The following CCDC85A variants were observed in gnomAD, a reference collection of about 807,000 sequenced individuals.
The protein encoded by CCDC85A is coiled-coil domain-containing protein 85A.
Under a neutral mutation model 50.2 loss-of-function variants are expected in CCDC85A, and 38 were observed. The ratio of observed to expected loss-of-function variants is 0.76; its 90% CI spans 0.58 to 0.99. CCDC85A has a LOEUF of 0.99. Among genes scored for constraint, CCDC85A ranks in the 50% least tolerant of loss-of-function variants. The probability of loss-of-function intolerance (pLI) is 0.00; values close to 1 mark genes in which losing one functional copy is unlikely to be tolerated. For missense variants in CCDC85A, 820 were observed against 742.0 expected (o/e 1.11, Z -1.22); for synonymous variants, 366 against 301.4 (o/e 1.21, Z -2.22).
At chr2:56,379,327 A>G (rs1268123986) in intron 5 of CCDC85A, among the ~76,000 whole-genome samples, 10 of 152,094 alleles carry the variant, frequency 6.6e-5, no homozygotes, top group African/African-American at 2.4e-4. Context: ...CATCTTTTTT[A>G]GTCATCTTTT....
intron 2 of CCDC85A, among the ~76,000 whole-genome samples, chr2:56,337,568 G>T (rs1030572653): frequency 2.0e-5 from 3 of 151,976 alleles, no homozygotes; most frequent in African/African-American, 7.2e-5. Flanking sequence ...TCTGGCCCAG[G>T]TCCATCTGTG....
At chr2:56,277,413 G>T (rs1021993190) in intron 2 of CCDC85A, among the ~76,000 whole-genome samples, 1 of 143,030 alleles carries the variant, frequency 7.0e-6, no homozygotes, top group Non-Finnish European at 1.5e-5. Context: ...TTTCCACAGA[G>T]ATCCTGCATG....
At chr2:56,294,720 T>A (rs1671872259) in intron 2 of CCDC85A, among the ~76,000 whole-genome samples, 1 of 152,200 alleles carries the variant, frequency 6.6e-6, no homozygotes, top group African/African-American at 2.4e-5. Flanking sequence ...GAGATTTATG[T>A]ATGAAAAAGT....
intron 2 of CCDC85A, among the ~76,000 whole-genome samples, chr2:56,339,609 C>A (rs1674255849): frequency 6.6e-6 from 1 of 152,068 alleles, no homozygotes. Flanking sequence ...AGTATCACAG[C>A]CTTATAGATA....
chr2:56,184,556 G>C lies in CCDC85A; in HGVS notation c.-69G>C, dbSNP rs1572989468. On this transcript the variant is annotated 5_prime_UTR_variant, in exon 1 of 6. Coordinates refer to ENST00000407595, the MANE Select transcript of CCDC85A (RefSeq NM_001080433.2). The stretch of plus-strand genomic sequence containing the variant: ...CAGGGGTGTGGGCGGAGGCGGCCTC[G>C]CCGCGCCCGCGCCTTCGGGAGTCGC... The C allele has an allele frequency of 7.4e-7, 1 of 1,355,468 alleles. No individual in the cohort carries two copies. Among genetic ancestry groups the C allele is most frequent in the Non-Finnish European group, 9.4e-7 (1 of 1,062,182 alleles). 84.0% of individuals were successfully genotyped at this position (1,355,468 alleles called of 1,614,324 possible).
chr2:56,254,799 T>C (rs1558608151), intron 2 of CCDC85A, among the ~76,000 whole-genome samples: 2 of 152,162 alleles, frequency 1.3e-5, no homozygotes, highest in Non-Finnish European at 2.9e-5. Context: ...GATGATTAAG[T>C]TGAAAGAAGA....
chr2:56,379,224 T>G (rs1434357459), intron 5 of CCDC85A, among the ~76,000 whole-genome samples: 1 of 152,188 alleles, frequency 6.6e-6, no homozygotes, highest in East Asian at 1.9e-4. Context: ...ATGCCTTTTC[T>G]TAGGCACTGG....
chr2:56,328,732 G>A (rs983400872), intron 2 of CCDC85A, among the ~76,000 whole-genome samples: 11 of 151,024 alleles, frequency 7.3e-5, no homozygotes, highest in African/African-American at 1.7e-4. Flanking sequence ...CCCTTAATAC[G>A]TCACATCTAC....
intron 3 of CCDC85A, among the ~76,000 whole-genome samples, chr2:56,357,817 G>A (rs1675313434): frequency 6.6e-6 from 1 of 151,960 alleles, no homozygotes; most frequent in African/African-American, 2.4e-5. Flanking sequence ...TTACAGACAG[G>A]GCACAATACA....
At chr2:56,191,496 A>G (rs1676294406) in intron 1 of CCDC85A, among the ~76,000 whole-genome samples, 2 of 152,202 alleles carry the variant, frequency 1.3e-5, no homozygotes, top group African/African-American at 4.8e-5. Flanking sequence ...ATTGTATCCT[A>G]AGGGCCATGA....
intron 3 of CCDC85A, among the ~76,000 whole-genome samples, chr2:56,358,731 A>T (rs1398178947): frequency 6.6e-6 from 1 of 152,130 alleles, no homozygotes; most frequent in Non-Finnish European, 1.5e-5. Context: ...GCTTTACACT[A>T]AAATAATTTA....
intron 2 of CCDC85A, among the ~76,000 whole-genome samples, chr2:56,194,279 A>G (rs1389449351): frequency 6.6e-6 from 1 of 152,148 alleles, no homozygotes; most frequent in Non-Finnish European, 1.5e-5. Context: ...GAGCTTTTAA[A>G]CCTTTTCGAA....
intron 2 of CCDC85A, among the ~76,000 whole-genome samples, chr2:56,243,221 T>C (rs559574748): frequency 6.6e-6 from 1 of 152,308 alleles, no homozygotes; most frequent in Non-Finnish European, 1.5e-5. Flanking sequence ...GAATAAACTT[T>C]CTACCCCTGT....
intron 2 of CCDC85A, among the ~76,000 whole-genome samples, chr2:56,203,021 T>G (rs978695666): frequency 9.2e-5 from 14 of 152,164 alleles, no homozygotes; most frequent in Non-Finnish European, 1.9e-4. Context: ...CATCAGTTTT[T>G]GAGGGGGATG....
rs972973688 is a variant in CCDC85A, at chr2:56,184,401, G to A, written c.-224G>A. On this transcript the variant is annotated 5_prime_UTR_variant, in exon 1 of 6. Coordinates refer to ENST00000407595, the MANE Select transcript of CCDC85A (RefSeq NM_001080433.2). ...GGACGGGCCTCGGCAGCAGCAAGCGGCTGGCTGCCGGGCCCTGGGGGAGCG... is the reference window on the plus strand; with the variant it reads ...GGACGGGCCTCGGCAGCAGCAAGCGACTGGCTGCCGGGCCCTGGGGGAGCG... 3 of 514,878 alleles carry A rather than the reference G, an allele frequency of 5.8e-6. No homozygotes were observed. Among genetic ancestry groups the A allele is most frequent in the East Asian group, 8.9e-5 (2 of 22,414 alleles). The allele number at this position is 514,878 out of a possible 1,614,324, so 31.9% of individuals were successfully genotyped here.
At chr2:56,214,016 T>C (rs899063829) in intron 2 of CCDC85A, among the ~76,000 whole-genome samples, 3 of 151,868 alleles carry the variant, frequency 2.0e-5, no homozygotes, top group African/African-American at 7.2e-5. Context: ...TGGAGAGACA[T>C]TGGGGACCAG....
chr2:56,335,842 C>T (rs1199893416), intron 2 of CCDC85A, among the ~76,000 whole-genome samples: 2 of 151,962 alleles, frequency 1.3e-5, no homozygotes, highest in African/African-American at 2.4e-5. Context: ...CCTCGTGGTC[C>T]GCCTGCCTCA....
chr2:56,192,883 A>G lies in CCDC85A; in HGVS notation c.683A>G (p.His228Arg). Residue 228 changes from histidine (H) to arginine (R), a missense_variant, in exon 2 of 6, where the codon CAC becomes CGC. Transcript: ENST00000407595. The surrounding 1 kb of genome is among the most constrained non-coding windows in gnomAD (Gnocchi z 4.7). Reference sequence around the variant, plus strand: ...GACAGCCCGGACCACCACAAGCACCACGCGAGCAGTGGCAGCCCGGAGCAC... The same window carrying G: ...GACAGCCCGGACCACCACAAGCACCGCGCGAGCAGTGGCAGCCCGGAGCAC... ...STDSPDHHKH[H>R]ASSGSPEHLQ... 6.2e-7 allele frequency: 1 copy of G among 1,613,040 alleles called. No individual in the cohort carries two copies. Among genetic ancestry groups the G allele is most frequent in the African/African-American group, 1.3e-5 (1 of 75,010 alleles).
intron 1 of CCDC85A, among the ~76,000 whole-genome samples, chr2:56,187,619 T>C (rs376928656): frequency 2.0e-4 from 31 of 152,324 alleles, no homozygotes; most frequent in African/African-American, 7.0e-4. Context: ...GAGGATGAAA[T>C]ATACCATAGA....
Sources: gnomAD v4.1 joint callset for allele counts (sites outside exome capture counted in the v4.1 genomes callset) on GRCh38, gnomAD v4.1.1 for gene constraint, Gnocchi (gnomAD v3.1) non-coding constraint, MANE v1.5 for transcripts, NCBI Gene and HGNC (gene_info 2026-07-23, HGNC 2026-07-21) for gene names.